Variants in VAV2 observed in about 807,000 individuals in gnomAD.
VAV2 encodes the protein guanine nucleotide exchange factor VAV2.
In VAV2, 67 loss-of-function variants were observed where a neutral mutation model predicts 132.5. That is an observed-to-expected ratio of 0.51 (90% CI 0.42 to 0.62). The LOEUF is 0.62. Among genes scored for constraint, VAV2 ranks in the 20% least tolerant of loss-of-function variants. The pLI is 0.00. For missense variants in VAV2, 938 were observed against 1,153.6 expected, an observed-to-expected ratio of 0.81 and a Z score of 2.71; for synonymous variants, 492 against 443.5, an observed-to-expected ratio of 1.11 and a Z score of -1.37.
chr9:133,923,837 T>G (rs986999306), intron 2 of VAV2, among the ~76,000 whole-genome samples: 5 of 152,312 alleles, frequency 3.3e-5, no homozygotes, highest in East Asian at 3.9e-4. Flanking sequence ...TCATGTCCTT[T>G]GCAAGGACAT....
chr9:133,860,781 G>C (rs780775431), intron 3 of VAV2, among the ~76,000 whole-genome samples: 4 of 152,202 alleles, frequency 2.6e-5, no homozygotes, highest in African/African-American at 7.2e-5. Flanking sequence ...ACAGTGACCA[G>C]TTCTCATCTG....
In VAV2 at chr9:133,772,022, G is replaced by C; in HGVS notation, c.2160C>G (p.Ile720Met). The change falls in exon 26 of 30, where the codon ATC (isoleucine) becomes ATG (methionine). Residue 720 changes from isoleucine (I) to methionine (M), a missense_variant. Ile to Met is a conservative substitution (Grantham distance 10). Coordinates refer to ENST00000371850, the MANE Select transcript of VAV2 (RefSeq NM_001134398.2). Reference sequence around the variant, plus strand: ...TCCAGTTGTCCTTCTCCACCACCTTGATGTGCTTCACCTCATCATTGAACC... The same window carrying C: ...TCCAGTTGTCCTTCTCCACCACCTTCATGTGCTTCACCTCATCATTGAACC... ...SIKFNDEVKH[I>M]KVVEKDNWIH... The C allele has an allele frequency of 6.9e-7, 1 of 1,440,494 alleles. No individual in the cohort carries two copies. Among genetic ancestry groups the C allele is most frequent in the South Asian group, 1.2e-5 (1 of 84,168 alleles). 89.2% of individuals were successfully genotyped at this position (1,440,494 alleles called of 1,614,324 possible). A position where few individuals can be genotyped will look rare whatever the true frequency, so the allele number is the denominator to read the frequency against.
At chr9:133,989,913 G>C (rs556847069) in intron 1 of VAV2, among the ~76,000 whole-genome samples, 4 of 152,356 alleles carry the variant, frequency 2.6e-5, no homozygotes, top group African/African-American at 9.6e-5. Flanking sequence ...CGGGACAGAG[G>C]AGTGGATGGC....
At chr9:133,920,801 G>A (rs1405570562) in intron 2 of VAV2, among the ~76,000 whole-genome samples, 1 of 152,076 alleles carries the variant, frequency 6.6e-6, no homozygotes, top group Non-Finnish European at 1.5e-5. Flanking sequence ...ACACGGGGCC[G>A]CACCTCCACT....
intron 2 of VAV2, among the ~76,000 whole-genome samples, chr9:133,917,368 G>T (rs904400891): frequency 1.3e-5 from 2 of 151,584 alleles, no homozygotes; most frequent in African/African-American, 2.4e-5. Context: ...TCTAATGGTG[G>T]AATGTCAAGC....
intron 13 of VAV2, among the ~76,000 whole-genome samples, chr9:133,791,198 C>T (rs1219051361): frequency 2.0e-5 from 3 of 152,200 alleles, no homozygotes; most frequent in Non-Finnish European, 1.5e-5. Flanking sequence ...TGGCGCATCC[C>T]CTCTCCCCAG....
At position 133,918,396 on chromosome 9, in the gene VAV2, G is replaced by A. The variant is rs868283338; in HGVS notation, c.321+20707C>T. Among the ~76,000 whole-genome samples, 1 of 146,366 alleles carries A rather than the reference G, an allele frequency of 6.8e-6. No individual in the cohort carries two copies. Among genetic ancestry groups the A allele is most frequent in the African/African-American group, 2.7e-5 (1 of 37,302 alleles). On this transcript the variant is annotated intron_variant, in intron 2 of 29. Coordinates refer to ENST00000371850, the MANE Select transcript of VAV2 (RefSeq NM_001134398.2). This position sits in a 1 kb window ranked among gnomAD's most constrained non-coding sequence, Gnocchi z 4.7. ...GACCCAGGCCCAGCTGCTAGCCCGG[G>A]CTACCACCACCACCAGGAAACACTC...
chr9:133,787,127 C>A, intron 16 of VAV2, 119 bp downstream of exon 16: 1 of 1,177,232 alleles, frequency 8.5e-7, no homozygotes, highest in Non-Finnish European at 1.1e-6. Context: ...GGACGAAGGA[C>A]CAAGAAAACC....
intron 1 of VAV2, among the ~76,000 whole-genome samples, chr9:133,990,963 G>A (rs2132323868): frequency 6.6e-6 from 1 of 152,242 alleles, no homozygotes; most frequent in Non-Finnish European, 1.5e-5. Context: ...GAAAGGCCCG[G>A]TCTCCTAGGA....
chr9:133,865,581 G>C lies in VAV2; in HGVS notation c.322-4149C>G, dbSNP rs575486031. Among the ~76,000 whole-genome samples the C allele has an allele frequency of 6.6e-5, 10 of 151,770 alleles. No individual in the cohort carries two copies. In the South Asian group the frequency reaches 2.1e-3, roughly 32 times the overall value. On this transcript the variant is annotated intron_variant, in intron 2 of 29. Coordinates refer to ENST00000371850, the MANE Select transcript of VAV2 (RefSeq NM_001134398.2). ...TTAGTTCTTTTCTCAAATTCCATCT[G>C]TTCTTTTTGTCTTGCTTGTTTGCTC...
chr9:133,778,920 C>T, intron 21 of VAV2, 31 bp from the exon 22 acceptor site: 1 of 1,604,684 alleles, frequency 6.2e-7, no homozygotes, highest in Non-Finnish European at 8.5e-7. Context: ...CACTCAGTGA[C>T]TCAGCAGCTC....
At chr9:133,805,846 AC>A (rs1305129007) in intron 9 of VAV2, among the ~76,000 whole-genome samples, 1 of 152,072 alleles carries the variant, frequency 6.6e-6, no homozygotes, top group African/African-American at 2.4e-5. Context: ...AACATCCAGA[AC>A]CCCAATCCTG....
At chr9:133,953,067 G>T (rs1317901763) in intron 1 of VAV2, among the ~76,000 whole-genome samples, 1 of 152,058 alleles carries the variant, frequency 6.6e-6, no homozygotes, top group Admixed American at 6.5e-5. Flanking sequence ...AGGGAGCACG[G>T]CCCCACTGAC....
In VAV2 at chr9:133,910,968, G is replaced by A. The variant is rs1341820808; in HGVS notation, c.321+28135C>T. On this transcript the variant is annotated intron_variant, in intron 2 of 29. Transcript: ENST00000371850. The stretch of plus-strand genomic sequence containing the variant: ...CCCAGCACACCGTGTTTGTCTATGG[G>A]TCACGGCAGTGATGGGACAGAGCCA... 2.0e-5 allele frequency among the ~76,000 whole-genome samples: 3 copies of A among 152,164 alleles called. No individual in the cohort carries two copies. In the South Asian group the frequency reaches 6.2e-4, roughly 32 times the overall value.
At chr9:133,847,267 G>A (rs1025131723) in intron 3 of VAV2, among the ~76,000 whole-genome samples, 7 of 152,228 alleles carry the variant, frequency 4.6e-5, no homozygotes, top group Non-Finnish European at 7.3e-5. Context: ...GCTCAGGGAA[G>A]GGAGGATCCA....
intron 3 of VAV2, among the ~76,000 whole-genome samples, chr9:133,837,678 C>T (rs879820811): frequency 2.6e-4 from 38 of 147,954 alleles, no homozygotes; most frequent in Non-Finnish European, 4.5e-4. Context: ...CAGCCTGGGT[C>T]ACAGAGTGAG....
intron 29 of VAV2, among the ~76,000 whole-genome samples, chr9:133,767,614 T>C (rs147414675): frequency 1.2e-3 from 190 of 152,244 alleles, no homozygotes; most frequent in African/African-American, 3.9e-3. Context: ...GACACTTCTA[T>C]AGGGCAGTTG....
rs112718283 is a variant in VAV2 at position 133,821,619 on chromosome 9, A to G, written c.450-9403T>C. 8.8e-3 allele frequency among the ~76,000 whole-genome samples: 1,342 copies of G among 152,326 alleles called. 3 individuals are homozygous for G. The highest frequency in any genetic ancestry group is 0.019 in the African/African-American group (782 of 41,550). On this transcript the variant is annotated intron_variant, in intron 4 of 29. Coordinates refer to ENST00000371850, the MANE Select transcript of VAV2 (RefSeq NM_001134398.2). ...TTAGCACAGGGGCCGGTCTCAACAC[A>G]TAGTGTGGTCAGCATTAAAAATGAC...
chr9:133,973,498 G>A (rs370225396), intron 1 of VAV2, among the ~76,000 whole-genome samples: 8 of 152,322 alleles, frequency 5.3e-5, no homozygotes, highest in African/African-American at 1.9e-4. Context: ...GCTCTCCCCG[G>A]AAGGCCATCT....
Sources: gnomAD v4.1 joint callset for allele counts (sites outside exome capture counted in the v4.1 genomes callset) on GRCh38, gnomAD v4.1.1 for gene constraint, Gnocchi (gnomAD v3.1) non-coding constraint, MANE v1.5 for transcripts, NCBI Gene and HGNC (gene_info 2026-07-23, HGNC 2026-07-21) for gene names.